GALNT7: variants seen among roughly 807,000 people sequenced by gnomAD.
GALNT7 encodes N-acetylgalactosaminyltransferase 7.
A neutral mutation model predicts 82.1 loss-of-function variants in GALNT7; 60 were observed. The ratio of observed to expected loss-of-function variants is 0.73; its 90% CI spans 0.59 to 0.91. The LOEUF (loss-of-function observed/expected upper bound fraction) is 0.91, where lower values mean the gene tolerates loss of function less well. Among genes scored for constraint, GALNT7 ranks in the 40% least tolerant of loss-of-function variants. The probability of loss-of-function intolerance (pLI) is 0.00; values close to 1 mark genes in which losing one functional copy is unlikely to be tolerated. For missense variants in GALNT7, 660 were observed against 804.2 expected, an observed-to-expected ratio of 0.82 and a Z score of 2.17; for synonymous variants, 243 against 275.1, an observed-to-expected ratio of 0.88 and a Z score of 1.15.
At chr4:173,269,608 C>T (rs746291146) in intron 2 of GALNT7, among the ~76,000 whole-genome samples, 7 of 152,152 alleles carry the variant, frequency 4.6e-5, no homozygotes, top group Non-Finnish European at 7.3e-5. Context: ...TATCCTCAGG[C>T]CCCAAGTGCA....
At chr4:173,183,729 C>G (rs1176750572) in intron 1 of GALNT7, among the ~76,000 whole-genome samples, 1 of 150,864 alleles carries the variant, frequency 6.6e-6, no homozygotes, top group Non-Finnish European at 1.5e-5. Flanking sequence ...GGGCGGCGGC[C>G]GGGCGGGGTC....
At chr4:173,216,727 A>ATATTTTTTTTTTTTTTTTTTT (rs71244915) in intron 1 of GALNT7, among the ~76,000 whole-genome samples, 1 of 12,980 alleles carries the variant, frequency 7.7e-5, no homozygotes, top group Non-Finnish European at 1.4e-4. Context: ...ATATATATAT[A>ATATTTTTTTTTTTTTTTTTTT]TTTTTTTTTT....
At chr4:173,277,996 AGAG>A (rs146322503) in intron 2 of GALNT7, among the ~76,000 whole-genome samples, 6,983 of 152,294 alleles carry the variant, frequency 0.046, 224 homozygotes, top group African/African-American at 0.079. Flanking sequence ...ACTGGAGAGA[AGAG>A]GAGAAATTTT....
At chr4:173,228,574 T>G (rs1157036782) in intron 1 of GALNT7, among the ~76,000 whole-genome samples, 2 of 152,228 alleles carry the variant, frequency 1.3e-5, no homozygotes, top group East Asian at 3.9e-4. Flanking sequence ...ATAATGTCTC[T>G]TCTGTAATTA....
chr4:173,301,724 A>G (rs1224671140), intron 6 of GALNT7, among the ~76,000 whole-genome samples: 3 of 152,244 alleles, frequency 2.0e-5, no homozygotes, highest in Non-Finnish European at 4.4e-5. Context: ...TAAGAGTGAA[A>G]GAGAAAATTC....
At position 173,321,859 on chromosome 4, in the gene GALNT7, T is replaced by C; in HGVS notation, c.*142T>C. 1 of 563,620 alleles carries C rather than the reference T, an allele frequency of 1.8e-6. No homozygotes were observed. The highest frequency in any genetic ancestry group is 3.2e-6 in the Non-Finnish European group (1 of 315,564). 34.9% of individuals were successfully genotyped at this position (563,620 alleles called of 1,614,324 possible). A position where few individuals can be genotyped will look rare whatever the true frequency, so the allele number is the denominator to read the frequency against. Reference sequence around the variant, plus strand: ...ACCTCCTGATCAGTTTGAAGGACATTGATAAACTGTGATTTTACAATAACA... The same window carrying C: ...ACCTCCTGATCAGTTTGAAGGACATCGATAAACTGTGATTTTACAATAACA... On this transcript the variant is annotated 3_prime_UTR_variant, in exon 12 of 12. Coordinates refer to ENST00000265000, the MANE Select transcript of GALNT7 (RefSeq NM_017423.3).
intron 1 of GALNT7, among the ~76,000 whole-genome samples, chr4:173,241,940 G>A (rs1195892818): frequency 6.6e-6 from 1 of 152,132 alleles, no homozygotes. Context: ...GAAGTCTTGA[G>A]ATAAAAATAA....
chr4:173,190,996 AG>A (rs1732610934), intron 1 of GALNT7, among the ~76,000 whole-genome samples: 1 of 152,060 alleles, frequency 6.6e-6, no homozygotes, highest in African/African-American at 2.4e-5. Context: ...TATAAGCAAA[AG>A]TCTGTGGATT....
At chr4:173,183,626 C>T (rs1251961415) in intron 1 of GALNT7, among the ~76,000 whole-genome samples, 1 of 152,188 alleles carries the variant, frequency 6.6e-6, no homozygotes, top group Admixed American at 6.5e-5. Flanking sequence ...TCGACAAAAC[C>T]GCCATCGTCA....
intron 1 of GALNT7, among the ~76,000 whole-genome samples, chr4:173,201,552 C>G (rs1732945409): frequency 6.6e-6 from 1 of 152,114 alleles, no homozygotes; most frequent in South Asian, 2.1e-4. Flanking sequence ...GGTTATATAT[C>G]TTATTTCTAG....
intron 2 of GALNT7, among the ~76,000 whole-genome samples, chr4:173,285,281 G>A (rs1003716504): frequency 2.0e-5 from 3 of 152,152 alleles, no homozygotes; most frequent in South Asian, 2.1e-4. Context: ...AACTCTTAGC[G>A]ATTTTTAACT....
At position 173,292,275 on chromosome 4, in the gene GALNT7, G is replaced by C. The variant is rs1232126226; in HGVS notation, c.754+1G>C. The C allele has an allele frequency of 3.3e-6, 5 of 1,533,638 alleles. No individual in the cohort carries two copies. Among genetic ancestry groups the C allele is most frequent in the Non-Finnish European group, 4.4e-6 (5 of 1,128,844 alleles). On this transcript the variant is annotated splice_donor_variant, in intron 3 of 11. Coordinates refer to ENST00000265000, the MANE Select transcript of GALNT7 (RefSeq NM_017423.3). LOFTEE classifies it high-confidence loss of function. The surrounding 1 kb of genome is among the most constrained non-coding windows in gnomAD (Gnocchi z 4.8). ...TTAATTGACGATTTCAGTAATAAAGGTAATGGCTGTGAAACTCACATTTTG... is the reference window on the plus strand; with the variant it reads ...TTAATTGACGATTTCAGTAATAAAGCTAATGGCTGTGAAACTCACATTTTG...
intron 1 of GALNT7, among the ~76,000 whole-genome samples, chr4:173,178,342 A>G (rs1732139923): frequency 6.6e-6 from 1 of 152,192 alleles, no homozygotes; most frequent in African/African-American, 2.4e-5. Context: ...GAGAAAATGT[A>G]TGCTCAGCAT....
At chr4:173,255,217 C>G (rs988841889) in intron 2 of GALNT7, among the ~76,000 whole-genome samples, 1 of 152,156 alleles carries the variant, frequency 6.6e-6, no homozygotes, top group African/African-American at 2.4e-5. Context: ...GAATCCCTCT[C>G]TCCCTGAAGT....
chr4:173,314,169 G>A lies in GALNT7; in HGVS notation c.1601G>A (p.Trp534Ter), dbSNP rs760881213. The change falls in exon 9 of 12, where the codon TGG becomes TAG. Residue 534 changes from tryptophan to a stop codon, truncating the protein, a stop_gained. Coordinates refer to ENST00000265000, the MANE Select transcript of GALNT7 (RefSeq NM_017423.3). LOFTEE classifies it high-confidence loss of function. ...HYPLPPKNVD[W>*]GEIRGFETAY... ...CCTTTGCCACCCAAAAATGTTGACT[G>A]GGGAGAAGTAAGTAGTCACATCTCA... The A allele has an allele frequency of 1.9e-6, 3 of 1,594,536 alleles. No homozygotes were observed. In the South Asian group the frequency reaches 3.3e-5, roughly 18 times the overall value.
intron 1 of GALNT7, among the ~76,000 whole-genome samples, chr4:173,193,771 G>T (rs1018405692): frequency 6.6e-6 from 1 of 151,908 alleles, no homozygotes; most frequent in Non-Finnish European, 1.5e-5. Flanking sequence ...AGTTTTTTTG[G>T]GTGGTTAAGG....
chr4:173,321,564 T>C lies in GALNT7; in HGVS notation c.1837-16T>C. 6.2e-7 allele frequency: 1 copy of C among 1,604,656 alleles called. No individual in the cohort carries two copies. The highest frequency in any genetic ancestry group is 8.5e-7 in the Non-Finnish European group (1 of 1,173,394). ...AGGGTCCAAATTTGAAACTTTTTTCTTACTGTGTTTTCCAGAACCTGCACA... is the reference window on the plus strand; with the variant it reads ...AGGGTCCAAATTTGAAACTTTTTTCCTACTGTGTTTTCCAGAACCTGCACA... On this transcript the variant is annotated splice_polypyrimidine_tract_variant and intron_variant, in intron 11 of 11. Transcript: ENST00000265000.
chr4:173,285,112 T>C (rs1266467609), intron 2 of GALNT7, among the ~76,000 whole-genome samples: 1 of 152,250 alleles, frequency 6.6e-6, no homozygotes, highest in African/African-American at 2.4e-5. Flanking sequence ...TTAAACCTTC[T>C]GCTTTATTTT....
intron 1 of GALNT7, among the ~76,000 whole-genome samples, chr4:173,238,196 T>G (rs999093049): frequency 5.3e-5 from 8 of 152,224 alleles, no homozygotes; most frequent in Non-Finnish European, 8.8e-5. Context: ...TTCATTACTT[T>G]GCTTTCATTT....
Sources: gnomAD v4.1 joint callset for allele counts (sites outside exome capture counted in the v4.1 genomes callset) on GRCh38, gnomAD v4.1.1 for gene constraint, Gnocchi (gnomAD v3.1) non-coding constraint, MANE v1.5 for transcripts, NCBI Gene and HGNC (gene_info 2026-07-23, HGNC 2026-07-21) for gene names.